EDIL3: variants seen among roughly 807,000 people sequenced by gnomAD.
EDIL3 encodes the protein EGF like and discoidin domains 3.
EDIL3 carries 37 observed loss-of-function variants against 67.4 expected under a neutral mutation model. The observed-to-expected ratio is 0.55, with a 90% CI of 0.42 to 0.72. The LOEUF is 0.72. Among genes scored for constraint, EDIL3 ranks in the 30% least tolerant of loss-of-function variants. The pLI, the probability that EDIL3 is intolerant of heterozygous loss-of-function variation, is 0.00. For synonymous variants in EDIL3, 195 were observed against 196.3 expected (o/e 0.99, Z 0.05); for missense variants, 527 against 586.3 (o/e 0.90, Z 1.04).
intron 4 of EDIL3, among the ~76,000 whole-genome samples, chr5:84,173,823 A>G (rs1237486397): frequency 1.3e-5 from 2 of 152,140 alleles, no homozygotes; most frequent in African/African-American, 4.8e-5. Flanking sequence ...GTGATGACAG[A>G]CTATGGAGGG....
chr5:84,261,205 G>C (rs902148898), intron 1 of EDIL3, among the ~76,000 whole-genome samples: 2 of 152,158 alleles, frequency 1.3e-5, no homozygotes, highest in African/African-American at 4.8e-5. Flanking sequence ...GTTAAAATTA[G>C]ATAAAGTTCA....
intron 1 of EDIL3, among the ~76,000 whole-genome samples, chr5:84,352,605 C>T (rs528694084): frequency 1.1e-4 from 17 of 152,064 alleles, no homozygotes; most frequent in African/African-American, 3.9e-4. Context: ...CACGGACATA[C>T]AGAGTAGAAT....
chr5:84,141,108 C>T (rs1246285146), intron 4 of EDIL3, among the ~76,000 whole-genome samples: 2 of 151,710 alleles, frequency 1.3e-5, no homozygotes, highest in African/African-American at 4.8e-5. Flanking sequence ...TTATCATTGC[C>T]AGAAAAAAGT....
chr5:84,321,155 T>A (rs747385160), intron 1 of EDIL3, among the ~76,000 whole-genome samples: 2 of 152,210 alleles, frequency 1.3e-5, no homozygotes, highest in Non-Finnish European at 2.9e-5. Context: ...GTGCAGAATT[T>A]CCTAACATTA....
At chr5:84,375,627 A>G (rs1467759189) in intron 1 of EDIL3, among the ~76,000 whole-genome samples, 1 of 152,228 alleles carries the variant, frequency 6.6e-6, no homozygotes. Context: ...CAGAGAAAGC[A>G]TGCTTCTACA....
intron 6 of EDIL3, among the ~76,000 whole-genome samples, chr5:84,098,133 C>A (rs1202031596): frequency 6.6e-6 from 1 of 151,270 alleles, no homozygotes; most frequent in Admixed American, 6.6e-5. Context: ...ACTGCATTTA[C>A]CAACTCTTTA....
intron 2 of EDIL3, among the ~76,000 whole-genome samples, chr5:84,239,952 T>G (rs145040096): frequency 1.4e-4 from 22 of 152,226 alleles, no homozygotes; most frequent in Non-Finnish European, 3.2e-4. Context: ...TAGTTTCTCA[T>G]GAAATTTTCC....
chr5:84,239,203 A>C, intron 2 of EDIL3, among the ~76,000 whole-genome samples: 1 of 152,300 alleles, frequency 6.6e-6, no homozygotes, highest in African/African-American at 2.4e-5. Flanking sequence ...ACTTAATTTT[A>C]CATATTATGG....
At position 84,106,820 on chromosome 5, in the gene EDIL3, G is replaced by A. The variant is rs2112283658; in HGVS notation, c.480C>T (p.Gly160=). The A allele has an allele frequency of 6.3e-7, 1 of 1,598,518 alleles. No homozygotes were observed. The highest frequency in any genetic ancestry group is 1.1e-5 in the South Asian group (1 of 88,456). ...TAATTCCACCTTCAATTCCCAGTGG[G>A]CCTGAGCATTCTGGAAACAAAAACA... ...MGRNCQYKCS[G]PLGIEGGIIS... Residue 160 remains glycine (G), a synonymous_variant, in exon 6 of 11, where the codon GGC becomes GGT. Coordinates refer to ENST00000296591, the MANE Select transcript of EDIL3 (RefSeq NM_005711.5).
At chr5:84,198,920 T>G (rs1435224109) in intron 3 of EDIL3, among the ~76,000 whole-genome samples, 1 of 152,014 alleles carries the variant, frequency 6.6e-6, no homozygotes, top group East Asian at 1.9e-4. Flanking sequence ...GGCTATAAGA[T>G]TTCCAGAATA....
chr5:84,138,540 T>A (rs1450666426), intron 4 of EDIL3, among the ~76,000 whole-genome samples: 2 of 152,212 alleles, frequency 1.3e-5, no homozygotes, highest in African/African-American at 2.4e-5. Context: ...CTATAACATA[T>A]CAAATGATAG....
intron 4 of EDIL3, among the ~76,000 whole-genome samples, chr5:84,172,399 T>A (rs112787101): frequency 0.022 from 3,337 of 152,002 alleles, 124 homozygotes; most frequent in African/African-American, 0.076. Context: ...CTGAGCAACA[T>A]GACGAAACTC....
At chr5:84,231,626 T>G (rs1744580618) in intron 2 of EDIL3, among the ~76,000 whole-genome samples, 1 of 152,228 alleles carries the variant, frequency 6.6e-6, no homozygotes, top group Non-Finnish European at 1.5e-5. Flanking sequence ...GACAGTGTTT[T>G]CTTCTCACAC....
chr5:84,143,402 C>T (rs1026559330), intron 4 of EDIL3, among the ~76,000 whole-genome samples: 7 of 152,022 alleles, frequency 4.6e-5, no homozygotes, highest in Non-Finnish European at 7.4e-5. Context: ...CTTACAAGAA[C>T]AGTAGCATAA....
intron 1 of EDIL3, among the ~76,000 whole-genome samples, chr5:84,283,434 T>G (rs1745743706): frequency 6.6e-6 from 1 of 152,204 alleles, no homozygotes; most frequent in Admixed American, 6.5e-5. Flanking sequence ...CTGGATTTGC[T>G]GAGGTATCTT....
In EDIL3 at chr5:84,274,570, T is replaced by G. The variant is rs149905936; in HGVS notation, c.68-20358A>C. Among the ~76,000 whole-genome samples the G allele has an allele frequency of 5.0e-3, 762 of 152,336 alleles. 3 individuals carry two copies. Among genetic ancestry groups the G allele is most frequent in the African/African-American group, 0.017 (689 of 41,586 alleles). ...CATCAGAAAAAATAAAACCAGCATA[T>G]GAAATCTATTTTAAGGATATTATTG... On this transcript the variant is annotated intron_variant, in intron 1 of 10. Coordinates refer to ENST00000296591, the MANE Select transcript of EDIL3 (RefSeq NM_005711.5).
intron 9 of EDIL3, among the ~76,000 whole-genome samples, chr5:84,059,820 A>G (rs1425807215): frequency 6.6e-6 from 1 of 152,190 alleles, no homozygotes; most frequent in Non-Finnish European, 1.5e-5. Flanking sequence ...TCCTTCTATA[A>G]GCAAGATCTG....
rs756013675 is a variant in EDIL3 at position 84,358,592 on chromosome 5, C to CTTTTTTTTTT, written c.67+25706_67+25715dup. On this transcript the variant is annotated intron_variant, in intron 1 of 10. Coordinates refer to ENST00000296591, the MANE Select transcript of EDIL3 (RefSeq NM_005711.5). ...GCATAAGACAGTATTCATTTTTATC[C>CTTTTTTTTTT]TTTTTTTTTTTTTTTTTTTTTTTTT... Among the ~76,000 whole-genome samples the CTTTTTTTTTT allele has an allele frequency of 1.8e-4, 17 of 94,570 alleles. 1 individual carries two copies. Among genetic ancestry groups the CTTTTTTTTTT allele is most frequent in the African/African-American group, 5.1e-4 (13 of 25,324 alleles). 62.0% of individuals were successfully genotyped at this position (94,570 alleles called of 152,430 possible).
intron 6 of EDIL3, among the ~76,000 whole-genome samples, chr5:84,101,011 A>G (rs1349164398): frequency 6.6e-6 from 1 of 152,086 alleles, no homozygotes; most frequent in African/African-American, 2.4e-5. Context: ...AAACAAACCT[A>G]CAACACCAAT....
Sources: allele counts gnomAD v4.1 joint callset (sites outside exome capture counted in the v4.1 genomes callset), GRCh38; gene constraint gnomAD v4.1.1; transcripts MANE v1.5; gene names NCBI Gene and HGNC (gene_info 2026-07-23, HGNC 2026-07-21).